CYSTM1: variants seen among roughly 807,000 people sequenced by gnomAD.
CYSTM1 encodes cysteine rich transmembrane module containing 1.
A neutral mutation model predicts 13.1 loss-of-function variants in CYSTM1; 4 were observed. That is an observed-to-expected ratio of 0.31 (90% CI 0.15 to 0.70). The LOEUF is 0.70. Among genes scored for constraint, CYSTM1 ranks in the 30% least tolerant of loss-of-function variants. The pLI, the probability that CYSTM1 is intolerant of heterozygous loss-of-function variation, is 0.72. For missense variants in CYSTM1, 96 were observed against 121.6 expected, an observed-to-expected ratio of 0.79 and a Z score of 0.99; for synonymous variants, 36 against 42.7, an observed-to-expected ratio of 0.84 and a Z score of 0.62.
At chr5:140,228,566 G>A (rs951569581) in intron 2 of CYSTM1, among the ~76,000 whole-genome samples, 5 of 152,190 alleles carry the variant, frequency 3.3e-5, no homozygotes, top group African/African-American at 7.2e-5. Flanking sequence ...CAGGGAAAGC[G>A]CAGTGAACCA....
intron 2 of CYSTM1, among the ~76,000 whole-genome samples, chr5:140,228,255 A>G (rs183349555): frequency 3.9e-5 from 6 of 152,254 alleles, no homozygotes; most frequent in Non-Finnish European, 7.4e-5. Flanking sequence ...TTCTCCTTCA[A>G]AGAGATTCTG....
intron 2 of CYSTM1, among the ~76,000 whole-genome samples, chr5:140,220,364 A>C (rs1180909988): frequency 6.6e-6 from 1 of 152,186 alleles, no homozygotes; most frequent in Non-Finnish European, 1.5e-5. Flanking sequence ...TGAGCCACTC[A>C]CTAGCCATCG....
chr5:140,179,806 A>T (rs1763941787), intron 1 of CYSTM1, among the ~76,000 whole-genome samples: 1 of 151,724 alleles, frequency 6.6e-6, no homozygotes, highest in Admixed American at 6.6e-5. Flanking sequence ...GACTACAGGC[A>T]TGCACTACCA....
rs1481790400 is a variant in CYSTM1, at chr5:140,243,540, A to G, written c.*129A>G. The stretch of plus-strand genomic sequence containing the variant: ...CACAGACACCTCTACCTTCAGCACT[A>G]TGGGATTCTAGATTAATGGGGGTTG... On this transcript the variant is annotated 3_prime_UTR_variant, in exon 3 of 3. Coordinates refer to ENST00000261811, the MANE Select transcript of CYSTM1 (RefSeq NM_032412.4). The G allele has an allele frequency of 1.5e-6, 1 of 650,006 alleles. No homozygotes were observed. Among genetic ancestry groups the G allele is most frequent in the Non-Finnish European group, 2.6e-6 (1 of 388,170 alleles). 40.3% of individuals were successfully genotyped at this position (650,006 alleles called of 1,614,324 possible). A position where few individuals can be genotyped will look rare whatever the true frequency, so the allele number is the denominator to read the frequency against.
In CYSTM1 at chr5:140,223,788, A is replaced by G. The variant is rs138114092; in HGVS notation, c.188-19517A>G. On this transcript the variant is annotated intron_variant, in intron 2 of 2. Transcript: ENST00000261811. Reference sequence around the variant, plus strand: ...TGGAGCTGATATGAGGCAAGGGGGCACTTTGCTGCACTGGGGTAGGCAAGC... The same window carrying G: ...TGGAGCTGATATGAGGCAAGGGGGCGCTTTGCTGCACTGGGGTAGGCAAGC... 1.6e-3 allele frequency among the ~76,000 whole-genome samples: 248 copies of G among 152,338 alleles called. 3 individuals carry two copies. The highest frequency in any genetic ancestry group is 1.8e-3 in the Non-Finnish European group (124 of 68,028).
chr5:140,197,157 A>G lies in CYSTM1; in HGVS notation c.187+2505A>G, dbSNP rs59645751. Among the ~76,000 whole-genome samples, 768 of 152,248 alleles carry G rather than the reference A, an allele frequency of 5.0e-3. 9 individuals carry two copies. Among genetic ancestry groups the G allele is most frequent in the African/African-American group, 0.018 (735 of 41,528 alleles). On this transcript the variant is annotated intron_variant, in intron 2 of 2. Transcript: ENST00000261811. ...ATACTGACTCTCTAACTAGCATTTG[A>G]TGAGTTTAGAACTTTATTGAGTTTG...
chr5:140,177,279 T>C lies in CYSTM1; in HGVS notation c.-21+1994T>C, dbSNP rs1763902288. Among the ~76,000 whole-genome samples the C allele has an allele frequency of 2.0e-5, 3 of 151,798 alleles. No individual in the cohort carries two copies. In the South Asian group the frequency reaches 6.3e-4, roughly 32 times the overall value. ...TGCTAGGACCAAAAATACACAGCTG[T>C]CTATTTTATTTTATTTATTTGTTTA... On this transcript the variant is annotated intron_variant, in intron 1 of 2. Transcript: ENST00000261811.
At position 140,192,333 on chromosome 5, in the gene CYSTM1, T is replaced by C. The variant is rs116002375; in HGVS notation, c.-20-2113T>C. Among the ~76,000 whole-genome samples, 390 of 152,340 alleles carry C rather than the reference T, an allele frequency of 2.6e-3. 4 individuals are homozygous for C. Among genetic ancestry groups the C allele is most frequent in the African/African-American group, 8.7e-3 (361 of 41,578 alleles). ...AGGCATATTGATCTCTATACCCCACTACTTAGCCCAGTGTCAAGAAAGCAC... is the reference window on the plus strand; with the variant it reads ...AGGCATATTGATCTCTATACCCCACCACTTAGCCCAGTGTCAAGAAAGCAC... On this transcript the variant is annotated intron_variant, in intron 1 of 2. Coordinates refer to ENST00000261811, the MANE Select transcript of CYSTM1 (RefSeq NM_032412.4).
intron 2 of CYSTM1, among the ~76,000 whole-genome samples, chr5:140,229,202 T>TC (rs1282694179): frequency 6.6e-6 from 1 of 152,066 alleles, no homozygotes; most frequent in East Asian, 1.9e-4. Flanking sequence ...TATCTGACTC[T>TC]CTTTTTTTTT....
chr5:140,203,926 A>G (rs2126660947), intron 2 of CYSTM1, among the ~76,000 whole-genome samples: 1 of 152,342 alleles, frequency 6.6e-6, no homozygotes, highest in South Asian at 2.1e-4. Flanking sequence ...CATTCTAGAC[A>G]GGAACCGTGA....
intron 1 of CYSTM1, among the ~76,000 whole-genome samples, chr5:140,177,910 C>T (rs1763911594): frequency 6.6e-6 from 1 of 152,198 alleles, no homozygotes; most frequent in East Asian, 1.9e-4. Context: ...TCCACCCCCT[C>T]CTTTCCCAAA....
chr5:140,190,225 AT>A (rs1046618419), intron 1 of CYSTM1, among the ~76,000 whole-genome samples: 1 of 152,196 alleles, frequency 6.6e-6, no homozygotes, highest in African/African-American at 2.4e-5. Flanking sequence ...AAAAGCATAA[AT>A]TTAAAACAAC....
intron 2 of CYSTM1, among the ~76,000 whole-genome samples, chr5:140,211,752 GC>G (rs1488865736): frequency 6.6e-6 from 1 of 152,158 alleles, no homozygotes; most frequent in African/African-American, 2.4e-5. Context: ...TTCAAGACCA[GC>G]CTGGCCAACA....
intron 2 of CYSTM1, among the ~76,000 whole-genome samples, chr5:140,204,404 G>A (rs1013121372): frequency 2.0e-5 from 3 of 152,060 alleles, no homozygotes; most frequent in Admixed American, 2.0e-4. Context: ...CTGATCCCAG[G>A]CTAAGTGCAT....
chr5:140,181,041 G>A (rs1763955097), intron 1 of CYSTM1, among the ~76,000 whole-genome samples: 1 of 152,202 alleles, frequency 6.6e-6, no homozygotes, highest in African/African-American at 2.4e-5. Context: ...GTAGGGATGG[G>A]AAACAGTTGA....
chr5:140,226,793 A>G (rs1056654071), intron 2 of CYSTM1, among the ~76,000 whole-genome samples: 3 of 148,492 alleles, frequency 2.0e-5, no homozygotes, highest in African/African-American at 7.4e-5. Flanking sequence ...TGGAGGGGAT[A>G]TTTCCAGGAC....
chr5:140,191,069 G>T (rs1186244104), intron 1 of CYSTM1, among the ~76,000 whole-genome samples: 1 of 152,136 alleles, frequency 6.6e-6, no homozygotes, highest in African/African-American at 2.4e-5. Context: ...TTCTTTACCA[G>T]CTTGGGAACA....
chr5:140,219,958 A>G lies in CYSTM1; in HGVS notation c.188-23347A>G, dbSNP rs1235189845. 1.3e-5 allele frequency among the ~76,000 whole-genome samples: 2 copies of G among 151,428 alleles called. No homozygotes were observed. Among genetic ancestry groups the G allele is most frequent in the Non-Finnish European group, 2.9e-5 (2 of 67,912 alleles). On this transcript the variant is annotated intron_variant, in intron 2 of 2. Coordinates refer to ENST00000261811, the MANE Select transcript of CYSTM1 (RefSeq NM_032412.4). This position sits in a 1 kb window ranked among gnomAD's most constrained non-coding sequence, Gnocchi z 4.1. Reference sequence around the variant, plus strand: ...CAAAGAGCCAGCTCCACTCAAAGTAACTTCTCTCTTTTTTTTTTCTGTAAC... The same window carrying G: ...CAAAGAGCCAGCTCCACTCAAAGTAGCTTCTCTCTTTTTTTTTTCTGTAAC...
At chr5:140,196,025 AGT>A (rs1554132232) in intron 2 of CYSTM1, among the ~76,000 whole-genome samples, 2 of 9,406 alleles carry the variant, frequency 2.1e-4, no homozygotes, top group Non-Finnish European at 4.8e-4. Context: ...GCCTGGCGAC[AGT>A]GAGACTCCAT....
Sources: allele counts gnomAD v4.1 joint callset (sites outside exome capture counted in the v4.1 genomes callset), GRCh38; gene constraint gnomAD v4.1.1; non-coding constraint Gnocchi (gnomAD v3.1); transcripts MANE v1.5; gene names NCBI Gene and HGNC (gene_info 2026-07-23, HGNC 2026-07-21).